Variants in LINGO2 observed in about 807,000 individuals in gnomAD.
LINGO2 encodes the protein leucine-rich repeat and immunoglobulin-like domain-containing nogo receptor-interacting protein 2.
Under a neutral mutation model 30.6 loss-of-function variants are expected in LINGO2, and 14 were observed. That is an observed-to-expected ratio of 0.46 (90% CI 0.30 to 0.72). The LOEUF (loss-of-function observed/expected upper bound fraction) is 0.72, where lower values mean the gene tolerates loss of function less well. Ranked by LOEUF, LINGO2 falls within the 30% of genes least tolerant of loss-of-function variation. LINGO2 has a pLI of 0.07. For missense variants in LINGO2, 729 were observed against 751.7 expected (o/e 0.97, Z 0.35); for synonymous variants, 317 against 288.5 (o/e 1.10, Z -1.00).
the LINGO2 span, among the ~76,000 whole-genome samples, chr9:28,993,124 C>T: frequency 3.3e-5 from 5 of 151,834 alleles, no homozygotes; most frequent in African/African-American, 1.2e-4. Context: ...GCTAGCAAGA[C>T]TAATAAAGAA....
chr9:28,003,551 C>T lies in LINGO2; in HGVS notation c.-36+8804G>A, dbSNP rs531432263. ...TCGGCTCACTGCAAGCTCCGCCTCC[C>T]GAGTTCATGCCATTCTTCTCCTGCC... On this transcript the variant is annotated intron_variant, in intron 5 of 5. Coordinates refer to ENST00000379992, the Ensembl canonical transcript of LINGO2. Among the ~76,000 whole-genome samples the T allele has an allele frequency of 2.6e-5, 4 of 152,212 alleles. No individual in the cohort carries two copies. The South Asian group carries it at 6.2e-4, about 24-fold the overall frequency.
At chr9:29,209,184 T>C in the LINGO2 span, among the ~76,000 whole-genome samples, 2 of 152,092 alleles carry the variant, frequency 1.3e-5, no homozygotes, top group Admixed American at 6.5e-5. Context: ...ACGCACCATG[T>C]TCTTAGGCTG....
chr9:27,975,755 T>G (rs1820563086), intron 5 of LINGO2, among the ~76,000 whole-genome samples: 1 of 152,146 alleles, frequency 6.6e-6, no homozygotes, highest in Non-Finnish European at 1.5e-5. Flanking sequence ...TTTCTGAAAG[T>G]TCTGAAAGGC....
intron 4 of LINGO2, among the ~76,000 whole-genome samples, chr9:28,073,224 TATC>T (rs1469237642): frequency 6.6e-6 from 1 of 151,958 alleles, no homozygotes; most frequent in African/African-American, 2.4e-5. Context: ...CTCTCAAACT[TATC>T]ATTAGTTAAG....
chr9:28,840,370 G>A, the LINGO2 span, among the ~76,000 whole-genome samples: 1 of 151,840 alleles, frequency 6.6e-6, no homozygotes, highest in Non-Finnish European at 1.5e-5. Context: ...TCAATATCAA[G>A]TACTACCAAA....
chr9:28,966,341 A>T, the LINGO2 span, among the ~76,000 whole-genome samples: 1 of 152,132 alleles, frequency 6.6e-6, no homozygotes, highest in East Asian at 1.9e-4. Flanking sequence ...AATTAGTAGC[A>T]CTATTCTTAT....
intron 1 of LINGO2, among the ~76,000 whole-genome samples, chr9:28,617,252 C>T (rs1000123734): frequency 7.2e-5 from 11 of 152,022 alleles, no homozygotes; most frequent in African/African-American, 2.7e-4. Context: ...TTCTACTTTT[C>T]TCCTCTTTCC....
the LINGO2 span, among the ~76,000 whole-genome samples, chr9:28,791,260 T>G: frequency 2.0e-5 from 3 of 152,116 alleles, no homozygotes; most frequent in Non-Finnish European, 4.4e-5. Context: ...GAGAGTATTC[T>G]TTATCTTAAA....
the LINGO2 span, among the ~76,000 whole-genome samples, chr9:29,165,896 A>G: frequency 1.3e-5 from 2 of 152,116 alleles, no homozygotes; most frequent in East Asian, 1.9e-4. Context: ...GGTTCATTTT[A>G]TATTTTAAAA....
chr9:28,821,264 T>C, the LINGO2 span, among the ~76,000 whole-genome samples: 3 of 152,252 alleles, frequency 2.0e-5, no homozygotes, highest in African/African-American at 4.8e-5. Context: ...AGAATGTTGT[T>C]GCTTCTGTGA....
At chr9:29,184,988 ATTG>A in the LINGO2 span, among the ~76,000 whole-genome samples, 6 of 152,204 alleles carry the variant, frequency 3.9e-5, no homozygotes, top group Non-Finnish European at 7.4e-5. Context: ...TAATCTTTTC[ATTG>A]TTGTTGTTGT....
the LINGO2 span, among the ~76,000 whole-genome samples, chr9:29,010,683 A>G: frequency 3.9e-5 from 6 of 152,098 alleles, no homozygotes; most frequent in Non-Finnish European, 2.9e-5. Flanking sequence ...CTCAATATAG[A>G]ATTAGATAAT....
At chr9:28,636,166 A>G (rs556087410) in intron 1 of LINGO2, among the ~76,000 whole-genome samples, 1 of 152,192 alleles carries the variant, frequency 6.6e-6, no homozygotes, top group East Asian at 1.9e-4. Flanking sequence ...ATTATTTTTT[A>G]TGGCTGCGTA....
At chr9:29,059,002 T>C in the LINGO2 span, among the ~76,000 whole-genome samples, 1 of 151,920 alleles carries the variant, frequency 6.6e-6, no homozygotes, top group Non-Finnish European at 1.5e-5. Flanking sequence ...TAGTTCTTAA[T>C]ACTAGCAAAA....
the LINGO2 span, among the ~76,000 whole-genome samples, chr9:28,846,366 G>A: frequency 6.6e-6 from 1 of 151,426 alleles, no homozygotes; most frequent in Admixed American, 6.6e-5. Flanking sequence ...AGGCCAAGTT[G>A]GGATTAATTT....
At chr9:29,038,526 A>G in the LINGO2 span, among the ~76,000 whole-genome samples, 1 of 152,004 alleles carries the variant, frequency 6.6e-6, no homozygotes, top group Non-Finnish European at 1.5e-5. Flanking sequence ...AACCTAACAG[A>G]ATTTGCTGAT....
chr9:28,037,969 G>GCTTCC (rs1824016829), intron 4 of LINGO2, among the ~76,000 whole-genome samples: 4 of 152,194 alleles, frequency 2.6e-5, no homozygotes, highest in Non-Finnish European at 5.9e-5. Context: ...GCATAAAGAG[G>GCTTCC]TTAAGTAATT....
At chr9:28,553,481 A>G (rs183798661) in intron 1 of LINGO2, among the ~76,000 whole-genome samples, 201 of 152,212 alleles carry the variant, frequency 1.3e-3, no homozygotes, top group African/African-American at 4.7e-3. Flanking sequence ...AAAGTCTCCA[A>G]GAAATATGGG....
At chr9:28,008,619 A>T (rs1400697817) in intron 5 of LINGO2, among the ~76,000 whole-genome samples, 1 of 152,168 alleles carries the variant, frequency 6.6e-6, no homozygotes, top group African/African-American at 2.4e-5. Flanking sequence ...AGATCAATAT[A>T]AATACATAAA....
Sources: allele counts gnomAD v4.1 joint callset (sites outside exome capture counted in the v4.1 genomes callset), GRCh38; gene constraint gnomAD v4.1.1; transcripts MANE v1.5; gene names NCBI Gene and HGNC (gene_info 2026-07-23, HGNC 2026-07-21).